NCOR1: variants seen among roughly 807,000 people sequenced by gnomAD.
NCOR1 encodes the protein nuclear receptor corepressor 1, also known as protein phosphatase 1, regulatory subunit 109.
In NCOR1, 63 loss-of-function variants were observed where a neutral mutation model predicts 288.1. That is an observed-to-expected ratio of 0.22 (90% CI 0.18 to 0.27). The LOEUF (loss-of-function observed/expected upper bound fraction) is 0.27. Ranked by LOEUF, NCOR1 falls within the 10% of genes least tolerant of loss-of-function variation. The probability of loss-of-function intolerance (pLI) is 1.00; values close to 1 mark genes in which losing one functional copy is unlikely to be tolerated. For synonymous variants in NCOR1, 1,007 were observed against 1,065.9 expected, an observed-to-expected ratio of 0.94 and a Z score of 1.08; for missense variants, 2,397 against 3,019.2, an observed-to-expected ratio of 0.79 and a Z score of 4.83.
chr17:16,091,947 G>C lies in NCOR1; in HGVS notation c.2932C>G (p.Gln978Glu), dbSNP rs2152907923. 1 of 1,614,136 alleles carries C rather than the reference G, an allele frequency of 6.2e-7. No individual in the cohort carries two copies. The highest frequency in any genetic ancestry group is 1.1e-5 in the South Asian group (1 of 91,072). The stretch of plus-strand genomic sequence containing the variant: ...TCCAAATCTATCTGTTCTTGTCTCT[G>C]CCGCTGCTCCTCCAGGAGTGCTGAC... ...HESALLEEQR[Q>E]RQEQIDLECR... Residue 978 changes from glutamine to glutamate, a missense_variant, in exon 22 of 46, where the codon CAG becomes GAG. Gln to Glu is a conservative substitution (Grantham distance 29, BLOSUM62 2). Around this residue, in one of 11 missense-constraint regions of NCOR1, gnomAD observed 1,872 missense variants for 2,187.8 expected, o/e 0.86. Coordinates refer to ENST00000268712, the MANE Select transcript of NCOR1 (RefSeq NM_006311.4).
chr17:16,194,642 A>G lies in NCOR1; in HGVS notation c.-70-3T>C. The G allele has an allele frequency of 1.1e-6, 1 of 900,140 alleles. No individual in the cohort carries two copies. The highest frequency in any genetic ancestry group is 1.7e-6 in the Non-Finnish European group (1 of 575,734). 55.8% of individuals were successfully genotyped at this position (900,140 alleles called of 1,614,324 possible). ...CAATCATGTTTCTAGGAAACCACCTAAACAGGATGAGAAAAAAACAGAATT... is the reference window on the plus strand; with the variant it reads ...CAATCATGTTTCTAGGAAACCACCTGAACAGGATGAGAAAAAAACAGAATT... On this transcript the variant is annotated splice_polypyrimidine_tract_variant and splice_region_variant and intron_variant, in intron 1 of 45. Transcript: ENST00000268712.
intron 9 of NCOR1, among the ~76,000 whole-genome samples, chr17:16,148,652 T>C (rs2078360580): frequency 8.3e-6 from 1 of 120,556 alleles, no homozygotes; most frequent in African/African-American, 3.2e-5. Flanking sequence ...TTGATATTTA[T>C]ATGTTCTTGG....
At chr17:16,087,944 G>C (rs2064506845) in intron 22 of NCOR1, among the ~76,000 whole-genome samples, 1 of 152,116 alleles carries the variant, frequency 6.6e-6, no homozygotes, top group African/African-American at 2.4e-5. Context: ...GGGCACGCCA[G>C]AAATGCAGTC....
intron 3 of NCOR1, among the ~76,000 whole-genome samples, chr17:16,173,989 T>C (rs1394563338): frequency 6.6e-6 from 1 of 150,544 alleles, no homozygotes; most frequent in Non-Finnish European, 1.5e-5. Context: ...TAGGAATAAA[T>C]ATGACCAAGG....
chr17:16,168,843 C>T (rs565957944), intron 4 of NCOR1, among the ~76,000 whole-genome samples: 22 of 151,714 alleles, frequency 1.5e-4, no homozygotes, highest in South Asian at 6.2e-4. Flanking sequence ...TGGTGGCGTG[C>T]GCCTGTAGTC....
chr17:16,060,624 G>A (rs1398059247), intron 37 of NCOR1, among the ~76,000 whole-genome samples: 5 of 152,080 alleles, frequency 3.3e-5, no homozygotes, highest in Non-Finnish European at 5.9e-5. Flanking sequence ...GATACTCAGA[G>A]ATCAAAAGAA....
rs538801785 is a variant in NCOR1 at position 16,112,340 on chromosome 17, C to T, written c.2056-3428G>A. ...ACATTCTTATTATTAACCTAAAGGC[C>T]GCTTTGTATACACACTTTTAAATCA... is the stretch of plus-strand genomic sequence containing the variant. On this transcript the variant is annotated intron_variant, in intron 18 of 45. Transcript: ENST00000268712. Among the ~76,000 whole-genome samples the T allele has an allele frequency of 3.4e-4, 51 of 152,128 alleles. No individual in the cohort carries two copies. In the South Asian group the frequency reaches 8.3e-3, roughly 25 times the overall value.
chr17:16,081,808 G>A (rs979503861), intron 23 of NCOR1, among the ~76,000 whole-genome samples: 1 of 152,186 alleles, frequency 6.6e-6, no homozygotes, highest in African/African-American at 2.4e-5. Flanking sequence ...AAAAGCCAGG[G>A]AATGAGATGT....
rs61754986 is a variant in NCOR1 at position 16,039,548 on chromosome 17, C to T, written c.6840G>A (p.Glu2280=). Residue 2280 remains glutamate, a synonymous_variant, in exon 44 of 46, where the codon GAG becomes GAA. Transcript: ENST00000268712. ...GCTGGGACATGACAACTCCATGATC[C>T]TCAACTTTGTCATCAAAGCTTCCCA... The part of the protein sequence containing the change: ...ALMGSFDDKV[E]DHGVVMSQPM... 1 of 1,614,142 alleles carries T rather than the reference C, an allele frequency of 6.2e-7. No individual in the cohort carries two copies. Among genetic ancestry groups the T allele is most frequent in the Non-Finnish European group, 8.5e-7 (1 of 1,180,026 alleles).
chr17:16,032,571 A>G (rs1972303251), intron 45 of NCOR1, 88 bp from the exon 46 acceptor site: 1 of 1,291,766 alleles, frequency 7.7e-7, no homozygotes, highest in Admixed American at 2.6e-5. Context: ...GTAGAATAGG[A>G]TTATTGTAAA....
chr17:16,187,178 T>A (rs964042841), intron 2 of NCOR1, among the ~76,000 whole-genome samples: 2 of 151,502 alleles, frequency 1.3e-5, no homozygotes, highest in Non-Finnish European at 2.9e-5. Context: ...TTTGTTTTTG[T>A]ACCTTTCCTT....
chr17:16,071,769 T>A, intron 29 of NCOR1, 104 bp from the exon 30 acceptor site: 1 of 1,082,738 alleles, frequency 9.2e-7, no homozygotes, highest in East Asian at 2.5e-5. Context: ...TTTTGTTACA[T>A]ATATTTTAAC....
Position 16,146,003 on chromosome 17 carries a change from C to T in NCOR1, c.1082+373G>A, listed in dbSNP as rs142639376. On this transcript the variant is annotated intron_variant, in intron 10 of 45. Transcript: ENST00000268712. ...GTTAATCTATAACCTTACCCCCAAC[C>T]CCGTGCTCTCTGAAACATGTGCTGG... 6.2e-3 allele frequency among the ~76,000 whole-genome samples: 937 copies of T among 152,238 alleles called. 9 individuals are homozygous for T. The highest frequency in any genetic ancestry group is 0.022 in the African/African-American group (912 of 41,544).
chr17:16,067,430 G>A (rs1466275521), intron 32 of NCOR1, among the ~76,000 whole-genome samples: 1 of 152,150 alleles, frequency 6.6e-6, no homozygotes, highest in Non-Finnish European at 1.5e-5. Context: ...TAGATTGCTT[G>A]GAAGTGTCTT....
At position 16,030,017 on chromosome 17, in the gene NCOR1, A is replaced by G. The variant is rs1773338732; in HGVS notation, c.*2279T>C. On this transcript the variant is annotated 3_prime_UTR_variant, in exon 46 of 46. Transcript: ENST00000268712. ...ACCCCCTAAGTAGTCAAAAATCCAC[A>G]TCTAACTTTGACTCCTCCAAAACTT... 1 of 171,058 alleles carries G rather than the reference A, an allele frequency of 5.8e-6. No homozygotes were observed. The highest frequency in any genetic ancestry group is 2.4e-5 in the African/African-American group (1 of 42,006). The allele number at this position is 171,058 out of a possible 1,614,324, so 10.6% of individuals were successfully genotyped here.
chr17:16,094,556 CCTCCCCTCTCCCCT>C lies in NCOR1; in HGVS notation c.2821-2512_2821-2499del, dbSNP rs201847346. 3.3e-5 allele frequency among the ~76,000 whole-genome samples: 5 copies of C among 151,868 alleles called. No homozygotes were observed. The South Asian group carries it at 1.0e-3, about 32-fold the overall frequency. On this transcript the variant is annotated intron_variant, in intron 21 of 45. Transcript: ENST00000268712. ...TTCAAACAAGAGTGACTCCGGCTCC[CCTCCCCTCTCCCCT>C]CTCCCCTCTCTCCTCCCCTTTCCAT...
At chr17:16,185,488 A>G (rs973587999) in intron 3 of NCOR1, among the ~76,000 whole-genome samples, 2 of 151,914 alleles carry the variant, frequency 1.3e-5, no homozygotes, top group African/African-American at 4.8e-5. Flanking sequence ...ATTCAAGACC[A>G]GCCTGGTCAA....
intron 5 of NCOR1, among the ~76,000 whole-genome samples, chr17:16,160,660 C>T (rs916154057): frequency 6.6e-6 from 1 of 152,050 alleles, no homozygotes; most frequent in Non-Finnish European, 1.5e-5. Flanking sequence ...GGTGTAGTGG[C>T]GCAAGCCTGT....
rs1971778006 is a variant in NCOR1, at chr17:16,029,771, T to C, written c.*2525A>G. Reference sequence around the variant, plus strand: ...CTTTCATTTATTTTGAACCAAGAACTATTATTGGATTTTAACTCTCATTCT... The same window carrying C: ...CTTTCATTTATTTTGAACCAAGAACCATTATTGGATTTTAACTCTCATTCT... On this transcript the variant is annotated 3_prime_UTR_variant, in exon 46 of 46. Coordinates refer to ENST00000268712, the MANE Select transcript of NCOR1 (RefSeq NM_006311.4). The C allele has an allele frequency of 6.6e-6, 1 of 152,548 alleles. No homozygotes were observed. The highest frequency in any genetic ancestry group is 1.5e-5 in the Non-Finnish European group (1 of 68,290). The allele number at this position is 152,548 out of a possible 1,614,324, so 9.4% of individuals were successfully genotyped here.
Sources: allele counts gnomAD v4.1 joint callset (sites outside exome capture counted in the v4.1 genomes callset), GRCh38; gene constraint gnomAD v4.1.1; regional missense constraint gnomAD v4.1.1; transcripts MANE v1.5; gene names NCBI Gene and HGNC (gene_info 2026-07-23, HGNC 2026-07-21).